UBASH3B: variants seen among roughly 807,000 people sequenced by gnomAD.
UBASH3B encodes ubiquitin associated and SH3 domain containing B.
UBASH3B carries 37 observed loss-of-function variants against 83.4 expected under a neutral mutation model. That is an observed-to-expected ratio of 0.44 (90% CI 0.34 to 0.58). UBASH3B has a LOEUF of 0.58. Among genes scored for constraint, UBASH3B ranks in the 20% least tolerant of loss-of-function variants. The probability of loss-of-function intolerance (pLI) is 0.01; values close to 1 mark genes in which losing one functional copy is unlikely to be tolerated. For missense variants in UBASH3B, 657 were observed against 827.2 expected, an observed-to-expected ratio of 0.79 and a Z score of 2.52; for synonymous variants, 304 against 318.3, an observed-to-expected ratio of 0.96 and a Z score of 0.48.
chr11:122,751,909 CA>C (rs1167598288), intron 1 of UBASH3B, among the ~76,000 whole-genome samples: 1 of 152,058 alleles, frequency 6.6e-6, no homozygotes, highest in East Asian at 1.9e-4. Flanking sequence ...TTGCTACAAC[CA>C]AAAGTAGTCA....
At chr11:122,772,030 T>TCTAA (rs140791458) in intron 1 of UBASH3B, among the ~76,000 whole-genome samples, 4 of 152,216 alleles carry the variant, frequency 2.6e-5, no homozygotes, top group Non-Finnish European at 5.9e-5. Context: ...TATTGTGAAC[T>TCTAA]CTAACTACCT....
At chr11:122,772,409 A>G (rs531022026) in intron 1 of UBASH3B, among the ~76,000 whole-genome samples, 4 of 152,250 alleles carry the variant, frequency 2.6e-5, no homozygotes, top group Admixed American at 2.6e-4. Context: ...GTTTCCTGAT[A>G]AGCGTTCCTT....
chr11:122,693,597 G>A (rs1863924316), intron 1 of UBASH3B, among the ~76,000 whole-genome samples: 1 of 152,336 alleles, frequency 6.6e-6, no homozygotes, highest in Admixed American at 6.5e-5. Flanking sequence ...TGATGGCCGA[G>A]CGTGGTGGCT....
intron 1 of UBASH3B, among the ~76,000 whole-genome samples, chr11:122,754,639 C>G (rs1005293445): frequency 1.3e-5 from 2 of 152,128 alleles, no homozygotes; most frequent in African/African-American, 4.8e-5. Flanking sequence ...CTCCATGAAC[C>G]CCTTACTCCC....
At chr11:122,763,361 A>T (rs963942889) in intron 1 of UBASH3B, among the ~76,000 whole-genome samples, 19 of 152,150 alleles carry the variant, frequency 1.2e-4, no homozygotes, top group Non-Finnish European at 2.2e-4. Flanking sequence ...CCTGCCACAT[A>T]AAAACATCGG....
At chr11:122,766,470 G>A (rs1860539368) in intron 1 of UBASH3B, among the ~76,000 whole-genome samples, 1 of 152,214 alleles carries the variant, frequency 6.6e-6, no homozygotes, top group African/African-American at 2.4e-5. Context: ...GCGTGAACCC[G>A]GGAGGCGGAG....
At chr11:122,696,164 G>A (rs1436348502) in intron 1 of UBASH3B, among the ~76,000 whole-genome samples, 1 of 151,484 alleles carries the variant, frequency 6.6e-6, no homozygotes, top group East Asian at 2.0e-4. Flanking sequence ...TGGCCAGACT[G>A]GTCTTGAACT....
intron 1 of UBASH3B, among the ~76,000 whole-genome samples, chr11:122,706,717 G>A (rs73613075): frequency 2.0e-5 from 3 of 152,156 alleles, no homozygotes; most frequent in Non-Finnish European, 2.9e-5. Context: ...TTGGCTAGGA[G>A]TACCAAGAAG....
chr11:122,747,648 C>T lies in UBASH3B; in HGVS notation c.162-28571C>T, dbSNP rs191980020. ...ATGTTGGGTGGTTTGGGTTCCTGTA[C>T]GTTTGGAGACAGAGTCAAAGCTGGG... On this transcript the variant is annotated intron_variant, in intron 1 of 13. Transcript: ENST00000284273. Among the ~76,000 whole-genome samples, 5 of 152,252 alleles carry T rather than the reference C, an allele frequency of 3.3e-5. No homozygotes were observed. In the East Asian group the frequency reaches 5.8e-4, roughly 18 times the overall value.
At chr11:122,732,005 A>G (rs1860852422) in intron 1 of UBASH3B, among the ~76,000 whole-genome samples, 1 of 152,122 alleles carries the variant, frequency 6.6e-6, no homozygotes, top group African/African-American at 2.4e-5. Context: ...CGACACACAC[A>G]CACACACACC....
rs1408603264 is a variant in UBASH3B, at chr11:122,796,963, T to G, written c.1287T>G (p.Ser429Arg). 1 of 1,613,760 alleles carries G rather than the reference T, an allele frequency of 6.2e-7. No homozygotes were observed. Among genetic ancestry groups the G allele is most frequent in the South Asian group, 1.1e-5 (1 of 91,052 alleles). Residue 429 changes from serine (S) to arginine (R), a missense_variant, in exon 9 of 14, where the codon AGT (serine) becomes AGG (arginine). By Grantham distance (110) the Ser-to-Arg change is moderately radical. Around this residue, in one of 3 missense-constraint regions of UBASH3B, gnomAD observed 573 missense variants for 739.0 expected, o/e 0.78. Transcript: ENST00000284273. ...TGCCTCATAGTTTACCTCAGCGGAG[T>G]GGTGGTTTCCGAGATTACGAGAAAG... The part of the protein sequence containing the change: ...LNMPHSLPQR[S>R]GGFRDYEKDA...
chr11:122,656,145 C>T lies in UBASH3B; in HGVS notation c.96C>T (p.Pro32=), dbSNP rs758073778. The change falls in exon 1 of 14, where the codon CCC becomes CCT. Residue 32 remains proline (P), a synonymous_variant. Transcript: ENST00000284273. ...VTPRRNRQQR[P]GTIKHGSALD... ...CCCGGAGGAACCGCCAACAGCGCCC[C>T]GGCACCATCAAGCATGGATCGGCGC... is the stretch of plus-strand genomic sequence containing the variant. 4.4e-6 allele frequency: 7 copies of T among 1,588,206 alleles called. No homozygotes were observed. The Admixed American group carries it at 1.2e-4, about 28-fold the overall frequency.
Position 122,656,063 on chromosome 11 carries a change from G to A in UBASH3B, c.14G>A (p.Gly5Asp). 1 of 1,596,744 alleles carries A rather than the reference G, an allele frequency of 6.3e-7. No individual in the cohort carries two copies. Among genetic ancestry groups the A allele is most frequent in the East Asian group, 2.3e-5 (1 of 43,444 alleles). Residue 5 changes from glycine (G) to aspartate (D), a missense_variant, in exon 1 of 14, where the codon GGC becomes GAC. Around this residue, in one of 3 missense-constraint regions of UBASH3B, gnomAD observed 78 missense variants for 68.4 expected, o/e 1.14. Transcript: ENST00000284273. MAQY[G>D]HPSPLGMAAR... ...GGCCGCTGAGCCATGGCTCAGTACG[G>A]CCACCCCAGTCCGCTCGGCATGGCT...
At chr11:122,690,180 A>ATATATATATATATATATATATATCCAAT (rs1863866643) in intron 1 of UBASH3B, among the ~76,000 whole-genome samples, 3 of 29,856 alleles carry the variant, frequency 1.0e-4, no homozygotes, top group Non-Finnish European at 2.2e-4. Context: ...ATATATATAT[A>ATATATATATATATATATATATATCCAAT]TATATATATA....
At chr11:122,764,220 C>T (rs1860494631) in intron 1 of UBASH3B, among the ~76,000 whole-genome samples, 1 of 152,178 alleles carries the variant, frequency 6.6e-6, no homozygotes, top group African/African-American at 2.4e-5. Flanking sequence ...GTCTAAAGTA[C>T]AGTCTTATCT....
intron 1 of UBASH3B, among the ~76,000 whole-genome samples, chr11:122,714,982 G>T (rs1383552546): frequency 2.0e-5 from 3 of 152,186 alleles, no homozygotes; most frequent in Non-Finnish European, 4.4e-5. Flanking sequence ...GTCTCGCTCT[G>T]TCGCCCGGGC....
At chr11:122,686,764 A>G (rs1863813056) in intron 1 of UBASH3B, among the ~76,000 whole-genome samples, 1 of 152,074 alleles carries the variant, frequency 6.6e-6, no homozygotes. Flanking sequence ...TCCTAATCCT[A>G]TGTGCCAGCT....
At chr11:122,728,632 T>C (rs1425819044) in intron 1 of UBASH3B, among the ~76,000 whole-genome samples, 1 of 152,238 alleles carries the variant, frequency 6.6e-6, no homozygotes, top group African/African-American at 2.4e-5. Context: ...TGGCTCACTG[T>C]AGATGCTCAA....
At chr11:122,718,493 G>A (rs61913162) in intron 1 of UBASH3B, among the ~76,000 whole-genome samples, 43,759 of 151,970 alleles carry the variant, frequency 0.29, 7,254 homozygotes, top group Non-Finnish European at 0.39. Flanking sequence ...AGTTATTGAA[G>A]CTTTGAACAC....
Sources: gnomAD v4.1 joint callset for allele counts (sites outside exome capture counted in the v4.1 genomes callset) on GRCh38, gnomAD v4.1.1 for gene constraint, gnomAD v4.1.1 regional missense constraint, MANE v1.5 for transcripts, NCBI Gene and HGNC (gene_info 2026-07-23, HGNC 2026-07-21) for gene names.